The following DPY19L3 variants were observed in gnomAD, a reference collection of about 807,000 sequenced individuals.
DPY19L3 encodes the protein protein C-mannosyl-transferase DPY19L3.
In DPY19L3, 51 loss-of-function variants were observed where a neutral mutation model predicts 92.3. The ratio of observed to expected loss-of-function variants is 0.55; its 90% CI spans 0.44 to 0.70. DPY19L3 has a LOEUF of 0.70. Among genes scored for constraint, DPY19L3 ranks in the 30% least tolerant of loss-of-function variants. The pLI, the probability that DPY19L3 is intolerant of heterozygous loss-of-function variation, is 0.00. For missense variants in DPY19L3, 706 were observed against 855.9 expected (o/e 0.82, Z 2.18); for synonymous variants, 309 against 315.2 (o/e 0.98, Z 0.21).
At chr19:32,436,004 C>T (rs1368031116) in intron 4 of DPY19L3, among the ~76,000 whole-genome samples, 1 of 152,246 alleles carries the variant, frequency 6.6e-6, no homozygotes, top group Non-Finnish European at 1.5e-5. Context: ...TCTTCTAAAG[C>T]CTCTGCTCAG....
chr19:32,419,273 G>A (rs1360603856), intron 3 of DPY19L3, among the ~76,000 whole-genome samples: 1 of 150,514 alleles, frequency 6.6e-6, no homozygotes, highest in Admixed American at 6.7e-5. Context: ...CCATTCTCCT[G>A]CCTCAGCCTC....
intron 16 of DPY19L3, among the ~76,000 whole-genome samples, chr19:32,474,775 G>C (rs750464685): frequency 2.0e-5 from 3 of 151,972 alleles, no homozygotes; most frequent in Non-Finnish European, 4.4e-5. Flanking sequence ...ATTTTTAGTA[G>C]AGACAGGTTT....
Position 32,420,328 on chromosome 19 carries a change from A to T in DPY19L3, c.237+8956A>T, listed in dbSNP as rs75164369. ...GCTGCTGTGAAGAATCTGGATGGGA[A>T]CTAGAACCAAAGGACATGACTTCCG... On this transcript the variant is annotated intron_variant, in intron 3 of 18. Coordinates refer to ENST00000392250, the MANE Select transcript of DPY19L3 (RefSeq NM_001172774.2). Among the ~76,000 whole-genome samples the T allele has an allele frequency of 4.7e-4, 71 of 152,294 alleles. No individual in the cohort carries two copies. In the East Asian group the frequency reaches 0.012, roughly 26 times the overall value.
At chr19:32,478,381 A>T (rs1185183899) in intron 17 of DPY19L3, among the ~76,000 whole-genome samples, 1 of 152,194 alleles carries the variant, frequency 6.6e-6, no homozygotes, top group African/African-American at 2.4e-5. Flanking sequence ...GGGAAGGAAA[A>T]GGCGTTGAGG....
intron 3 of DPY19L3, among the ~76,000 whole-genome samples, chr19:32,420,595 G>A (rs2068902282): frequency 6.6e-6 from 1 of 151,814 alleles, no homozygotes; most frequent in African/African-American, 2.4e-5. Context: ...GATTATAGGT[G>A]CGCACCACCG....
At chr19:32,426,939 G>T (rs1204784382) in intron 3 of DPY19L3, among the ~76,000 whole-genome samples, 1 of 152,170 alleles carries the variant, frequency 6.6e-6, no homozygotes, top group East Asian at 1.9e-4. Flanking sequence ...GAGATGAGGC[G>T]TGCCTGAAGT....
In DPY19L3 at chr19:32,482,079, A is replaced by G. The variant is rs759539087; in HGVS notation, c.1990A>G (p.Met664Val). Residue 664 changes from methionine (M) to valine (V), a missense_variant and splice_region_variant, in exon 19 of 19, where the codon ATG becomes GTG. Physicochemically the swap from Met to Val is conservative, Grantham distance 21. Coordinates refer to ENST00000392250, the MANE Select transcript of DPY19L3 (RefSeq NM_001172774.2). The part of the protein sequence containing the change: ...RDLLDIANGH[M>V]MDGPGENDPD... ...GTATTTGGGTTTGTTTTGGTTTTAG[A>G]TGATGGATGGCCCAGGAGAGAATGA... is the stretch of plus-strand genomic sequence containing the variant. 9.3e-6 allele frequency: 15 copies of G among 1,606,448 alleles called. No homozygotes were observed. In the South Asian group the frequency reaches 1.2e-4, roughly 13 times the overall value.
Position 32,484,363 on chromosome 19 carries a change from A to G in DPY19L3, c.*2123A>G, listed in dbSNP as rs1970746021. ...TCCAATGTGACCTTCTCATTGGAGT[A>G]CACAGAAGGAAAGCAAAGAAGAGCA... is the stretch of plus-strand genomic sequence containing the variant. On this transcript the variant is annotated 3_prime_UTR_variant, in exon 19 of 19. Coordinates refer to ENST00000392250, the MANE Select transcript of DPY19L3 (RefSeq NM_001172774.2). 6.6e-6 allele frequency: 1 copy of G among 152,346 alleles called. No homozygotes were observed. The highest frequency in any genetic ancestry group is 2.4e-5 in the African/African-American group (1 of 41,456). 9.4% of individuals were successfully genotyped at this position (152,346 alleles called of 1,614,324 possible).
At chr19:32,480,296 G>A (rs1012419891) in intron 17 of DPY19L3, 103 bp from the exon 18 acceptor site, 3 of 1,310,080 alleles carry the variant, frequency 2.3e-6, no homozygotes, top group Non-Finnish European at 3.1e-6. Context: ...AGCACCTTGG[G>A]TGTTAGGTCT....
intron 15 of DPY19L3, among the ~76,000 whole-genome samples, chr19:32,465,349 T>C (rs1032169591): frequency 4.6e-5 from 7 of 152,224 alleles, no homozygotes; most frequent in Admixed American, 3.3e-4. Context: ...GAATTTCTTA[T>C]CAGAGACAAT....
intron 8 of DPY19L3, among the ~76,000 whole-genome samples, chr19:32,446,900 G>A (rs1969517474): frequency 6.6e-6 from 1 of 152,048 alleles, no homozygotes; most frequent in Non-Finnish European, 1.5e-5. Flanking sequence ...CCCAGTAACA[G>A]CAGAATACTC....
Position 32,410,777 on chromosome 19 carries a change from T to C in DPY19L3, c.104-462T>C, listed in dbSNP as rs940822171. ...CATCTTGGGCAACAGAACAAGATCC[T>C]GTCTCAAAAAACAATAATTATTTTT... On this transcript the variant is annotated intron_variant, in intron 2 of 18. Coordinates refer to ENST00000392250, the MANE Select transcript of DPY19L3 (RefSeq NM_001172774.2). Among the ~76,000 whole-genome samples, 2 of 152,224 alleles carry C rather than the reference T, an allele frequency of 1.3e-5. 1 individual carries two copies. Among genetic ancestry groups the C allele is most frequent in the Non-Finnish European group, 2.9e-5 (2 of 68,038 alleles).
At chr19:32,456,160 C>T (rs1568349357) in intron 10 of DPY19L3, among the ~76,000 whole-genome samples, 3 of 143,258 alleles carry the variant, frequency 2.1e-5, no homozygotes, top group East Asian at 2.1e-4. Flanking sequence ...ACTGCAGCCT[C>T]GATCTCCTGG....
At chr19:32,446,390 A>T (rs1465974495) in intron 8 of DPY19L3, among the ~76,000 whole-genome samples, 1 of 152,236 alleles carries the variant, frequency 6.6e-6, no homozygotes, top group Non-Finnish European at 1.5e-5. Context: ...AGCAATAATT[A>T]CATTAAAGGT....
chr19:32,423,402 A>ATTTTTTTTTTTTTTTTTTTTTTT (rs71176123), intron 3 of DPY19L3, among the ~76,000 whole-genome samples: 36 of 82,204 alleles, frequency 4.4e-4, no homozygotes, highest in Non-Finnish European at 5.3e-4. Flanking sequence ...TGCCCAGCTA[A>ATTTTTTTTTTTTTTTTTTTTTTT]TTTTTTTTTT....
At position 32,482,508 on chromosome 19, in the gene DPY19L3, G is replaced by A; in HGVS notation, c.*268G>A. The A allele has an allele frequency of 2.9e-6, 1 of 345,130 alleles. No individual in the cohort carries two copies. The highest frequency in any genetic ancestry group is 4.3e-5 in the South Asian group (1 of 23,390). 21.4% of individuals were successfully genotyped at this position (345,130 alleles called of 1,614,324 possible). On this transcript the variant is annotated 3_prime_UTR_variant, in exon 19 of 19. Coordinates refer to ENST00000392250, the MANE Select transcript of DPY19L3 (RefSeq NM_001172774.2). ...AAGAGTGACCTAGAATTATGTTGTT[G>A]GAGAGAATGATGTGTGTTCCATGGA...
intron 3 of DPY19L3, among the ~76,000 whole-genome samples, chr19:32,416,585 A>G (rs924718509): frequency 1.3e-5 from 2 of 152,256 alleles, no homozygotes; most frequent in African/African-American, 4.8e-5. Context: ...GAAGTGCTAT[A>G]TTATGACTAC....
At chr19:32,445,313 C>T (rs967851386) in intron 8 of DPY19L3, among the ~76,000 whole-genome samples, 4 of 151,480 alleles carry the variant, frequency 2.6e-5, no homozygotes, top group South Asian at 2.1e-4. Flanking sequence ...TGGTGGCAGG[C>T]GCTTGTAGTC....
chr19:32,464,217 AC>A (rs985738568), intron 14 of DPY19L3, among the ~76,000 whole-genome samples: 25 of 152,148 alleles, frequency 1.6e-4, no homozygotes, highest in African/African-American at 6.0e-4. Context: ...ATTTGGAAAT[AC>A]AAAAAAAAGC....
Sources: gnomAD v4.1 joint callset for allele counts (sites outside exome capture counted in the v4.1 genomes callset) on GRCh38, gnomAD v4.1.1 for gene constraint, MANE v1.5 for transcripts, NCBI Gene and HGNC (gene_info 2026-07-23, HGNC 2026-07-21) for gene names.